Variants in ID4 observed in about 807,000 individuals in gnomAD.
The protein encoded by ID4 is inhibitor of DNA binding 4.
Under a neutral mutation model 8.6 loss-of-function variants are expected in ID4, and 9 were observed. That is an observed-to-expected ratio of 1.04 (90% CI 0.63 to 1.82). The LOEUF (loss-of-function observed/expected upper bound fraction) is 1.82, where lower values mean the gene tolerates loss of function less well. Ranked by LOEUF, ID4 falls within the 40% of genes most tolerant of loss-of-function variation. ID4 has a pLI of 0.00. For missense variants in ID4, 270 were observed against 235.1 expected, an observed-to-expected ratio of 1.15 and a Z score of -0.97; for synonymous variants, 180 against 118.0, an observed-to-expected ratio of 1.53 and a Z score of -3.41.
At chr6:19,838,522 C>A in intron 1 of ID4, 62 bp from the exon 2 acceptor site, 1 of 1,604,080 alleles carries the variant, frequency 6.2e-7, no homozygotes, top group South Asian at 1.1e-5. Context: ...CAATCCAGGA[C>A]CGTGTCGAGC....
chr6:19,838,831 G>A, intron 2 of ID4, 189 bp downstream of exon 2: 1 of 588,884 alleles, frequency 1.7e-6, no homozygotes, highest in Non-Finnish European at 3.0e-6. Context: ...AGAACTCGAG[G>A]TTCAGTCTCG....
Position 19,838,606 on chromosome 6 carries a change from G to GCGA in ID4, c.466_468dup (p.Asp156dup). The GCGA allele has an allele frequency of 6.2e-7, 1 of 1,614,016 alleles. No individual in the cohort carries two copies. Among genetic ancestry groups the GCGA allele is most frequent in the Non-Finnish European group, 8.5e-7 (1 of 1,179,904 alleles). On this transcript the variant is annotated inframe_insertion, in exon 2 of 3. Coordinates refer to ENST00000378700, the MANE Select transcript of ID4 (RefSeq NM_001546.4). ...CAGGCCGGCGCGGTGAACAAGCAGG[G>GCGA]CGACAGCATTCTGTGCCGCTGAGCC...
rs761195472 is a variant in ID4 at position 19,838,652 on chromosome 6, C to G, written c.*14+10C>G. 8 of 1,612,422 alleles carry G rather than the reference C, an allele frequency of 5.0e-6. No individual in the cohort carries two copies. In the South Asian group the frequency reaches 8.8e-5, roughly 18 times the overall value. Reference sequence around the variant, plus strand: ...GAGCCGCGCTGTCCAGGTGAGCGCGCATTTCCCGTCTCGGGTGGCCGGTCA... The same window carrying G: ...GAGCCGCGCTGTCCAGGTGAGCGCGGATTTCCCGTCTCGGGTGGCCGGTCA... On this transcript the variant is annotated intron_variant, in intron 2 of 2. Transcript: ENST00000378700.
In ID4 at chr6:19,839,910, T is replaced by C. The variant is rs1393894921; in HGVS notation, c.*715T>C. 1 of 152,238 alleles carries C rather than the reference T, an allele frequency of 6.6e-6. No individual in the cohort carries two copies. Among genetic ancestry groups the C allele is most frequent in the African/African-American group, 2.4e-5 (1 of 41,450 alleles). The allele number at this position is 152,238 out of a possible 1,614,324, so 9.4% of individuals were successfully genotyped here. ...GCTCAATTACAGAGCTCTTGATATC[T>C]TGAATGTCTTTTCTGTTTGGCCTGG... On this transcript the variant is annotated 3_prime_UTR_variant, in exon 3 of 3. Coordinates refer to ENST00000378700, the MANE Select transcript of ID4 (RefSeq NM_001546.4).
At position 19,840,572 on chromosome 6, in the gene ID4, T is replaced by A. The variant is rs1240962812; in HGVS notation, c.*1377T>A. On this transcript the variant is annotated 3_prime_UTR_variant, in exon 3 of 3. Transcript: ENST00000378700. ...AATTCTGATGACCGCATCTAGATTATTTTTTTATAAAAATGATTTTCACTA... is the reference window on the plus strand; with the variant it reads ...AATTCTGATGACCGCATCTAGATTAATTTTTTATAAAAATGATTTTCACTA... The A allele has an allele frequency of 6.6e-6, 1 of 152,578 alleles. No homozygotes were observed. The highest frequency in any genetic ancestry group is 2.1e-4 in the South Asian group (1 of 4,834). 9.5% of individuals were successfully genotyped at this position (152,578 alleles called of 1,614,324 possible).
At chr6:19,839,064 G>C (rs548717818) in intron 2 of ID4, 146 bp from the exon 3 acceptor site, 1 of 210,702 alleles carries the variant, frequency 4.7e-6, no homozygotes, top group Non-Finnish European at 9.5e-6. Flanking sequence ...CCTGCTCGGC[G>C]CCTGGCCCGG....
Position 19,841,862 on chromosome 6 carries a change from C to G in ID4, c.*2667C>G, listed in dbSNP as rs568339417. Among the ~76,000 whole-genome samples, 1 of 152,086 alleles carries G rather than the reference C, an allele frequency of 6.6e-6. No individual in the cohort carries two copies. Among genetic ancestry groups the G allele is most frequent in the African/African-American group, 2.4e-5 (1 of 41,430 alleles). ...TACTTAGTTTAACAAAGGAAAATATCCTGACTTCTCTCATTTCATTTGTAG... is the reference window on the plus strand; with the variant it reads ...TACTTAGTTTAACAAAGGAAAATATGCTGACTTCTCTCATTTCATTTGTAG... On this transcript the variant is annotated 3_prime_UTR_variant, in exon 3 of 3. Coordinates refer to ENST00000378700, the MANE Select transcript of ID4 (RefSeq NM_001546.4).
chr6:19,838,501 A>G (rs1761280092), intron 1 of ID4, 83 bp from the exon 2 acceptor site: 1 of 1,581,192 alleles, frequency 6.3e-7, no homozygotes, highest in African/African-American at 1.3e-5. Context: ...CGCCAGCCTG[A>G]TTTCCGAGGA....
In ID4 at chr6:19,838,967, TC is replaced by T. The variant is rs1761296583; in HGVS notation, c.*15-240del. The stretch of plus-strand genomic sequence containing the variant: ...GGGCATGGGAGCTGCCCCGGTGTCC[TC>T]CCGTGCAGTCTGTCACCCACAAAGG... On this transcript the variant is annotated intron_variant, in intron 2 of 2. Transcript: ENST00000378700. 5 of 358,248 alleles carry T rather than the reference TC, an allele frequency of 1.4e-5. No homozygotes were observed. The South Asian group carries it at 1.7e-4, about 12-fold the overall frequency. 22.2% of individuals were successfully genotyped at this position (358,248 alleles called of 1,614,324 possible). A position where few individuals can be genotyped will look rare whatever the true frequency, so the allele number is the denominator to read the frequency against.
At chr6:19,838,243 G>A in intron 1 of ID4, 48 bp downstream of exon 1, 1 of 1,312,224 alleles carries the variant, frequency 7.6e-7, no homozygotes, top group Non-Finnish European at 9.7e-7. Context: ...GGGGATGGGA[G>A]GTTGGTGGCG....
rs562668893 is a variant in ID4, at chr6:19,838,659, C to G, written c.*14+17C>G. On this transcript the variant is annotated intron_variant, in intron 2 of 2. Transcript: ENST00000378700. ...GCTGTCCAGGTGAGCGCGCATTTCCCGTCTCGGGTGGCCGGTCACCAGAGA... is the reference window on the plus strand; with the variant it reads ...GCTGTCCAGGTGAGCGCGCATTTCCGGTCTCGGGTGGCCGGTCACCAGAGA... The G allele has an allele frequency of 3.1e-6, 5 of 1,610,324 alleles. No individual in the cohort carries two copies. The highest frequency in any genetic ancestry group is 2.2e-5 in the South Asian group (2 of 90,940).
rs979347159 is a variant in ID4, at chr6:19,837,731, C to T, written c.-24C>T. 5 of 1,119,298 alleles carry T rather than the reference C, an allele frequency of 4.5e-6. No homozygotes were observed. In the African/African-American group the frequency reaches 5.0e-5, roughly 11 times the overall value. The allele number at this position is 1,119,298 out of a possible 1,614,324, so 69.3% of individuals were successfully genotyped here. A position where few individuals can be genotyped will look rare whatever the true frequency, so the allele number is the denominator to read the frequency against. On this transcript the variant is annotated 5_prime_UTR_variant, in exon 1 of 3. Coordinates refer to ENST00000378700, the MANE Select transcript of ID4 (RefSeq NM_001546.4). ...CCTCGCTCGCCCCAGCGGGTTCGCT[C>T]GCGTAGAGCGCAGGGCGCGCGCGAT...
In ID4 at chr6:19,838,208, GCGCCGGCCGTGGGCGGA is replaced by G. The variant is rs1761268611; in HGVS notation, c.441+19_441+35del. 2.2e-6 allele frequency: 3 copies of G among 1,347,548 alleles called. No individual in the cohort carries two copies. The highest frequency in any genetic ancestry group is 2.0e-5 in the South Asian group (1 of 49,906). 83.5% of individuals were successfully genotyped at this position (1,347,548 alleles called of 1,614,324 possible). ...CAACACCGACCCGGTGAGAGGCCGG[GCGCCGGCCGTGGGCGGA>G]CGCCGCGGGGGATGGGAGGTTGGTG... is the stretch of plus-strand genomic sequence containing the variant. On this transcript the variant is annotated intron_variant, in intron 1 of 2. Transcript: ENST00000378700.
intron 1 of ID4, 121 bp from the exon 2 acceptor site, chr6:19,838,463 G>C: frequency 1.5e-6 from 2 of 1,367,818 alleles, no homozygotes; most frequent in African/African-American, 1.4e-5. Context: ...GGCCCCCCCG[G>C]CTACAGGCTG....
chr6:19,838,196 G>A lies in ID4; in HGVS notation c.441+1G>A. On this transcript the variant is annotated splice_donor_variant, in intron 1 of 2. Transcript: ENST00000378700. LOFTEE classifies it high-confidence loss of function. ...GCTCACTGCGCTCAACACCGACCCG[G>A]TGAGAGGCCGGGCGCCGGCCGTGGG... 2 of 1,371,212 alleles carry A rather than the reference G, an allele frequency of 1.5e-6. No homozygotes were observed. Among genetic ancestry groups the A allele is most frequent in the African/African-American group, 1.5e-5 (1 of 65,456 alleles). 84.9% of individuals were successfully genotyped at this position (1,371,212 alleles called of 1,614,324 possible).
At position 19,838,019 on chromosome 6, in the gene ID4, A is replaced by T. The variant is rs1464032923; in HGVS notation, c.265A>T (p.Ser89Cys). Residue 89 changes from serine to cysteine, a missense_variant, in exon 1 of 3, where the codon AGC becomes TGC. Physicochemically the swap from Ser to Cys is moderately radical, Grantham distance 112. This residue lies in a region of ID4 where 160 missense variants were observed against 131.5 expected (regional missense o/e 1.22). Transcript: ENST00000378700. Reference protein sequence around the residue: ...VPTIPPNKKVSKVEILQHVID... With the variant: ...VPTIPPNKKVCKVEILQHVID... Reference sequence around the variant, plus strand: ...CACCATCCCGCCCAACAAGAAAGTCAGCAAAGTGGAGATCCTGCAGCACGT... The same window carrying T: ...CACCATCCCGCCCAACAAGAAAGTCTGCAAAGTGGAGATCCTGCAGCACGT... 2 of 1,605,098 alleles carry T rather than the reference A, an allele frequency of 1.2e-6. No individual in the cohort carries two copies. The highest frequency in any genetic ancestry group is 2.2e-5 in the South Asian group (2 of 89,802).
At chr6:19,838,551 A>C in intron 1 of ID4, 33 bp from the exon 2 acceptor site, 2 of 1,613,850 alleles carry the variant, frequency 1.2e-6, no homozygotes, top group Non-Finnish European at 8.5e-7. Flanking sequence ...TGCGCCTGCT[A>C]ACCTTTCCCT....
rs1397022030 is a variant in ID4 at position 19,841,766 on chromosome 6, A to G, written c.*2571A>G. ...ACTACATTCCATTGAAATGTTGGCT[A>G]TGTCCTAACCAGGCAACCAGATAAC... On this transcript the variant is annotated 3_prime_UTR_variant, in exon 3 of 3. Coordinates refer to ENST00000378700, the MANE Select transcript of ID4 (RefSeq NM_001546.4). 6.6e-6 allele frequency among the ~76,000 whole-genome samples: 1 copy of G among 152,246 alleles called. No individual in the cohort carries two copies. Among genetic ancestry groups the G allele is most frequent in the Non-Finnish European group, 1.5e-5 (1 of 68,030 alleles).
At position 19,840,210 on chromosome 6, in the gene ID4, A is replaced by G. The variant is rs1160818256; in HGVS notation, c.*1015A>G. The G allele has an allele frequency of 6.6e-6, 1 of 152,568 alleles. No homozygotes were observed. Among genetic ancestry groups the G allele is most frequent in the Non-Finnish European group, 1.5e-5 (1 of 68,018 alleles). The allele number at this position is 152,568 out of a possible 1,614,324, so 9.5% of individuals were successfully genotyped here. A position where few individuals can be genotyped will look rare whatever the true frequency, so the allele number is the denominator to read the frequency against. On this transcript the variant is annotated 3_prime_UTR_variant, in exon 3 of 3. Coordinates refer to ENST00000378700, the MANE Select transcript of ID4 (RefSeq NM_001546.4). ...CAACTGAGGTCAAAATGGATTCTGA[A>G]TGATTTTGCATATGGGATGAGGAAA...
Sources: allele counts gnomAD v4.1 joint callset (sites outside exome capture counted in the v4.1 genomes callset), GRCh38; gene constraint gnomAD v4.1.1; regional missense constraint gnomAD v4.1.1; transcripts MANE v1.5; gene names NCBI Gene and HGNC (gene_info 2026-07-23, HGNC 2026-07-21).